Variants in UNC5B observed in about 807,000 individuals in gnomAD.
The protein encoded by UNC5B is netrin receptor UNC5B.
UNC5B carries 56 observed loss-of-function variants against 103.7 expected under a neutral mutation model. That is an observed-to-expected ratio of 0.54 (90% CI 0.44 to 0.67). The LOEUF is 0.67. Ranked by LOEUF, UNC5B falls within the 30% of genes least tolerant of loss-of-function variation. UNC5B has a pLI of 0.00. For synonymous variants in UNC5B, 577 were observed against 542.0 expected (o/e 1.06, Z -0.90); for missense variants, 1,194 against 1,284.5 (o/e 0.93, Z 1.08).
At chr10:71,217,523 T>A (rs1843356851) in intron 1 of UNC5B, 1 of 152,204 alleles carries the variant, frequency 6.6e-6, no homozygotes, top group African/African-American at 2.4e-5. Context: ...GGCGCTTGAT[T>A]GGAACTCCGG....
At chr10:71,231,530 G>C (rs1216077520) in intron 1 of UNC5B, among the ~76,000 whole-genome samples, 1 of 152,220 alleles carries the variant, frequency 6.6e-6, no homozygotes, top group Admixed American at 6.5e-5. Context: ...GGAGCGCAGG[G>C]CTGTGTACGC....
rs151028942 is a variant in UNC5B at position 71,291,034 on chromosome 10, G to A, written c.1219G>A (p.Asp407Asn). ...GTACCGCCGCAACTGCCGTGACTTC[G>A]ACACAGACATCACTGACTCATCTGC... Reference protein sequence around the residue: ...VVYRRNCRDFDTDITDSSAAL... With the variant: ...VVYRRNCRDFNTDITDSSAAL... Residue 407 changes from aspartate to asparagine, a missense_variant, in exon 9 of 17, where the codon GAC becomes AAC. Coordinates refer to ENST00000335350, the MANE Select transcript of UNC5B (RefSeq NM_170744.5). The A allele has an allele frequency of 1.6e-4, 260 of 1,614,134 alleles. No homozygotes were observed. Among genetic ancestry groups the A allele is most frequent in the African/African-American group, 1.5e-3 (112 of 75,050 alleles).
chr10:71,267,105 G>A (rs538246629), intron 1 of UNC5B, among the ~76,000 whole-genome samples: 2 of 152,314 alleles, frequency 1.3e-5, no homozygotes, highest in African/African-American at 4.8e-5. Context: ...GGGGACTCCT[G>A]TAATAGAAAT....
intron 16 of UNC5B, among the ~76,000 whole-genome samples, chr10:71,298,401 G>A (rs1247131247): frequency 1.3e-5 from 2 of 152,178 alleles, no homozygotes; most frequent in Admixed American, 6.5e-5. Flanking sequence ...CAAAGCCAGG[G>A]CATCAGCTTG....
intron 1 of UNC5B, among the ~76,000 whole-genome samples, chr10:71,275,177 G>A (rs574395194): frequency 6.6e-6 from 1 of 152,336 alleles, no homozygotes; most frequent in African/African-American, 2.4e-5. Context: ...TTCTTGGCGG[G>A]ATATCTGGAC....
chr10:71,242,959 G>A (rs1340856432), intron 1 of UNC5B, among the ~76,000 whole-genome samples: 1 of 152,100 alleles, frequency 6.6e-6, no homozygotes, highest in Non-Finnish European at 1.5e-5. Context: ...GGAGCCGGGC[G>A]CGGTGGCTCA....
At chr10:71,252,130 C>T (rs1372565143) in intron 1 of UNC5B, among the ~76,000 whole-genome samples, 1 of 152,222 alleles carries the variant, frequency 6.6e-6, no homozygotes, top group Non-Finnish European at 1.5e-5. Context: ...TCAGTGGTAT[C>T]TGAATCTTGA....
In UNC5B at chr10:71,295,839, G is replaced by C. The variant is rs762325012; in HGVS notation, c.2204G>C (p.Gly735Ala). The change falls in exon 14 of 17, where the codon GGC becomes GCC. Residue 735 changes from glycine (G) to alanine (A), a missense_variant. By Grantham distance (60) the Gly-to-Ala change is moderately conservative. Transcript: ENST00000335350. ...GTGCTGGAGCTGGAGCGGACTCTGG[G>C]CGGATACTTGGTGGAGGAGCCGAAA... ...KEVLELERTL[G>A]GYLVEEPKPL... 5 of 1,612,678 alleles carry C rather than the reference G, an allele frequency of 3.1e-6. No homozygotes were observed. The highest frequency in any genetic ancestry group is 1.1e-5 in the South Asian group (1 of 91,024).
intron 1 of UNC5B, among the ~76,000 whole-genome samples, chr10:71,256,843 C>T (rs1844301810): frequency 1.3e-5 from 2 of 152,224 alleles, no homozygotes; most frequent in African/African-American, 2.4e-5. Flanking sequence ...TGTCCAGGGT[C>T]ACACAGCATG....
intron 1 of UNC5B, among the ~76,000 whole-genome samples, chr10:71,227,713 C>CATAT (rs1564707158): frequency 1.5e-4 from 18 of 123,500 alleles, no homozygotes; most frequent in African/African-American, 4.8e-4. Flanking sequence ...CATATACACA[C>CATAT]ACACACACAC....
chr10:71,298,119 C>T (rs1355561749), intron 16 of UNC5B, 29 bp downstream of exon 16: 1 of 1,564,066 alleles, frequency 6.4e-7, no homozygotes, highest in Non-Finnish European at 8.7e-7. Flanking sequence ...AGCCCATCCC[C>T]ATCTGCCTTC....
At chr10:71,290,622 C>T (rs1028367170) in intron 8 of UNC5B, among the ~76,000 whole-genome samples, 2 of 152,198 alleles carry the variant, frequency 1.3e-5, no homozygotes, top group Admixed American at 6.5e-5. Context: ...AGCCACAGAC[C>T]CTGTCTCATC....
chr10:71,276,098 GATATAA>G (rs923346007), intron 1 of UNC5B, among the ~76,000 whole-genome samples: 2 of 152,002 alleles, frequency 1.3e-5, no homozygotes, highest in African/African-American at 4.8e-5. Context: ...AAGATTTTAG[GATATAA>G]ATATTTACAA....
chr10:71,214,143 C>T (rs906106325), intron 1 of UNC5B, among the ~76,000 whole-genome samples: 13 of 152,068 alleles, frequency 8.5e-5, no homozygotes, highest in Admixed American at 1.3e-4. Context: ...TGCACGGAGT[C>T]CTCTCTGAGT....
intron 1 of UNC5B, among the ~76,000 whole-genome samples, chr10:71,241,778 C>T (rs1843907337): frequency 6.6e-6 from 1 of 152,056 alleles, no homozygotes; most frequent in African/African-American, 2.4e-5. Context: ...CTAAGTGCCG[C>T]CCAAGGACGC....
intron 1 of UNC5B, among the ~76,000 whole-genome samples, chr10:71,215,272 G>A (rs1843307045): frequency 6.6e-6 from 1 of 152,206 alleles, no homozygotes. Flanking sequence ...TTGAAGACAT[G>A]TGAAGGGCTC....
chr10:71,222,397 G>T (rs1440760887), intron 1 of UNC5B, among the ~76,000 whole-genome samples: 1 of 152,202 alleles, frequency 6.6e-6, no homozygotes. Context: ...CCCAATTCAT[G>T]AGATAGGCAT....
At chr10:71,257,597 G>A (rs1033147854) in intron 1 of UNC5B, among the ~76,000 whole-genome samples, 9 of 152,336 alleles carry the variant, frequency 5.9e-5, no homozygotes, top group African/African-American at 1.7e-4. Context: ...GGAGCGCCTC[G>A]GTGGTGAGCT....
chr10:71,230,638 CT>C (rs1301480782), intron 1 of UNC5B, among the ~76,000 whole-genome samples: 1 of 152,256 alleles, frequency 6.6e-6, no homozygotes, highest in Non-Finnish European at 1.5e-5. Context: ...CCTTTGGATA[CT>C]CACCATGGGT....
Sources: allele counts gnomAD v4.1 joint callset (sites outside exome capture counted in the v4.1 genomes callset), GRCh38; gene constraint gnomAD v4.1.1; transcripts MANE v1.5; gene names NCBI Gene and HGNC (gene_info 2026-07-23, HGNC 2026-07-21).